The following ZBTB20 variants were observed in gnomAD, a reference collection of about 807,000 sequenced individuals.
The protein encoded by ZBTB20 is zinc finger and BTB domain-containing protein 20.
In ZBTB20, 9 loss-of-function variants were observed where a neutral mutation model predicts 56.9. The observed-to-expected ratio is 0.16, with a 90% CI of 0.10 to 0.28. The LOEUF (loss-of-function observed/expected upper bound fraction) is 0.28, where lower values mean the gene tolerates loss of function less well. Ranked by LOEUF, ZBTB20 falls within the 10% of genes least tolerant of loss-of-function variation. The pLI is 1.00. For missense variants in ZBTB20, 655 were observed against 1,003.0 expected (o/e 0.65, Z 4.69); for synonymous variants, 417 against 420.7 (o/e 0.99, Z 0.11).
intron 6 of ZBTB20, among the ~76,000 whole-genome samples, chr3:114,653,284 T>A (rs993353018): frequency 1.3e-5 from 2 of 151,954 alleles, no homozygotes; most frequent in African/African-American, 2.4e-5. Flanking sequence ...ATAGAGGCCC[T>A]TCATCAGATT....
chr3:114,644,502 G>A (rs905030401), intron 6 of ZBTB20, among the ~76,000 whole-genome samples: 1 of 152,030 alleles, frequency 6.6e-6, no homozygotes, highest in African/African-American at 2.4e-5. Flanking sequence ...GTCAATAAAC[G>A]CTCAGCATTA....
Position 115,105,784 on chromosome 3 carries a change from A to G in ZBTB20, c.-702-34370T>C, listed in dbSNP as rs1388207807. On this transcript the variant is annotated intron_variant, in intron 1 of 11. Coordinates refer to ENST00000675478, the MANE Select transcript of ZBTB20 (RefSeq NM_001348800.3). ...GCCTGAGAAAGGAATTAAAAAAGCA[A>G]GAATTCAATTGTAAAGGATTTGTGT... 2.0e-5 allele frequency among the ~76,000 whole-genome samples: 3 copies of G among 152,156 alleles called. No individual in the cohort carries two copies. The South Asian group carries it at 6.2e-4, about 31-fold the overall frequency.
At chr3:114,775,742 G>A (rs1234138435) in intron 5 of ZBTB20, among the ~76,000 whole-genome samples, 3 of 152,132 alleles carry the variant, frequency 2.0e-5, no homozygotes, top group Non-Finnish European at 2.9e-5. Flanking sequence ...CACTGCTATG[G>A]TACAGTTTTC....
intron 6 of ZBTB20, among the ~76,000 whole-genome samples, chr3:114,501,837 T>C (rs1365970255): frequency 1.3e-5 from 2 of 150,632 alleles, no homozygotes; most frequent in Admixed American, 1.3e-4. Context: ...GCCTCCTGAG[T>C]AGCTGGGACT....
chr3:114,735,608 A>G (rs943856233), intron 5 of ZBTB20, among the ~76,000 whole-genome samples: 1 of 152,178 alleles, frequency 6.6e-6, no homozygotes, highest in Non-Finnish European at 1.5e-5. Context: ...TATCACCCTC[A>G]AAGTTCTAGA....
intron 5 of ZBTB20, among the ~76,000 whole-genome samples, chr3:114,792,921 G>C (rs111734100): frequency 0.034 from 4,933 of 144,156 alleles, 152 homozygotes; most frequent in Non-Finnish European, 0.044. Flanking sequence ...TGTTGCCCAG[G>C]CTGGAGTGCA....
chr3:114,900,512 T>TATACACACACAC (rs549497546), intron 3 of ZBTB20, 170 bp from the exon 4 acceptor site: 195 of 145,744 alleles, frequency 1.3e-3, no homozygotes, highest in African/African-American at 4.2e-3. Context: ...TGAAAATATA[T>TATACACACACAC]ACACACACAC....
intron 2 of ZBTB20, among the ~76,000 whole-genome samples, chr3:115,069,124 C>CA (rs1053916886): frequency 7.2e-5 from 11 of 151,966 alleles, no homozygotes; most frequent in Non-Finnish European, 1.5e-4. Context: ...AATTCTCCTC[C>CA]AAAAAAAGCA....
At chr3:114,753,327 G>GTATATATAATGTATATATGTATACAT (rs1560209269) in intron 5 of ZBTB20, among the ~76,000 whole-genome samples, 2 of 22,122 alleles carry the variant, frequency 9.0e-5, no homozygotes, top group African/African-American at 1.6e-4. Context: ...ATGTATACCT[G>GTATATATAATGTATATATGTATACAT]TATATATAAT....
intron 4 of ZBTB20, among the ~76,000 whole-genome samples, chr3:114,845,427 A>T (rs959800387): frequency 6.6e-6 from 1 of 150,566 alleles, no homozygotes; most frequent in African/African-American, 2.5e-5. Flanking sequence ...CTCTAGAGAC[A>T]ATCCTTTCTT....
intron 6 of ZBTB20, among the ~76,000 whole-genome samples, chr3:114,619,716 T>G (rs2058187918): frequency 6.6e-6 from 1 of 152,208 alleles, no homozygotes; most frequent in African/African-American, 2.4e-5. Context: ...CACCTATTTC[T>G]CTACTCATTG....
At chr3:114,653,021 A>G (rs986152413) in intron 6 of ZBTB20, among the ~76,000 whole-genome samples, 3 of 151,938 alleles carry the variant, frequency 2.0e-5, no homozygotes, top group African/African-American at 7.2e-5. Context: ...TGTTAGCTCT[A>G]TTAGTTGTTT....
intron 7 of ZBTB20, among the ~76,000 whole-genome samples, chr3:114,438,766 A>G (rs183966158): frequency 2.1e-4 from 32 of 152,312 alleles, no homozygotes; most frequent in Admixed American, 1.2e-3. Flanking sequence ...TTATTAAAAA[A>G]TTATTAAGAA....
chr3:114,879,904 T>C (rs1197470027), intron 4 of ZBTB20, among the ~76,000 whole-genome samples: 1 of 152,172 alleles, frequency 6.6e-6, no homozygotes, highest in East Asian at 1.9e-4. Flanking sequence ...TACACACACC[T>C]GCTGGGTTAA....
intron 4 of ZBTB20, among the ~76,000 whole-genome samples, chr3:114,814,954 G>A (rs999741851): frequency 6.6e-6 from 1 of 151,960 alleles, no homozygotes; most frequent in Non-Finnish European, 1.5e-5. Context: ...GATAAGAAAG[G>A]CCCTCTATAA....
At chr3:115,041,043 TA>T (rs1282989999) in intron 2 of ZBTB20, among the ~76,000 whole-genome samples, 112 of 152,274 alleles carry the variant, frequency 7.4e-4, no homozygotes, top group African/African-American at 2.4e-3. Context: ...ACGCATTTTT[TA>T]AAAGAGGTAA....
intron 7 of ZBTB20, among the ~76,000 whole-genome samples, chr3:114,449,525 A>G (rs1252634400): frequency 6.6e-6 from 1 of 152,136 alleles, no homozygotes; most frequent in East Asian, 1.9e-4. Flanking sequence ...AATCACTGAC[A>G]GGAAAGAATA....
At chr3:115,027,235 T>A (rs2080463548) in intron 2 of ZBTB20, among the ~76,000 whole-genome samples, 1 of 151,092 alleles carries the variant, frequency 6.6e-6, no homozygotes, top group Non-Finnish European at 1.5e-5. Flanking sequence ...AAATAAACAA[T>A]GTGAATAGCT....
chr3:114,900,683 C>A (rs1301092979), intron 3 of ZBTB20: 7 of 151,666 alleles, frequency 4.6e-5, no homozygotes, highest in African/African-American at 1.7e-4. Context: ...TCTTCCAAGA[C>A]TATTGCCTTC....
Sources: allele counts gnomAD v4.1 joint callset (sites outside exome capture counted in the v4.1 genomes callset), GRCh38; gene constraint gnomAD v4.1.1; transcripts MANE v1.5; gene names NCBI Gene and HGNC (gene_info 2026-07-23, HGNC 2026-07-21).